The following RNF180 variants were observed in gnomAD, a reference collection of about 807,000 sequenced individuals.
RNF180 encodes the protein ring finger protein 180, also known as E3 ubiquitin-protein ligase RNF180.
RNF180 carries 38 observed loss-of-function variants against 59.2 expected under a neutral mutation model. The ratio of observed to expected loss-of-function variants is 0.64; its 90% CI spans 0.50 to 0.84. The LOEUF is 0.84. Among genes scored for constraint, RNF180 ranks in the 40% least tolerant of loss-of-function variants. The pLI, the probability that RNF180 is intolerant of heterozygous loss-of-function variation, is 0.00. For synonymous variants in RNF180, 262 were observed against 240.3 expected (o/e 1.09, Z -0.84); for missense variants, 705 against 700.9 (o/e 1.01, Z -0.07).
chr5:64,267,514 CA>C (rs1470983747), intron 5 of RNF180, among the ~76,000 whole-genome samples: 1 of 151,810 alleles, frequency 6.6e-6, no homozygotes, highest in Non-Finnish European at 1.5e-5. Flanking sequence ...CCCCCCACCC[CA>C]CAACAGTCCC....
At chr5:64,253,047 C>T (rs779956689) in intron 5 of RNF180, among the ~76,000 whole-genome samples, 5 of 151,896 alleles carry the variant, frequency 3.3e-5, no homozygotes, top group African/African-American at 7.3e-5. Flanking sequence ...AACTATTTAC[C>T]ACTAAAAAAC....
chr5:64,363,213 T>C (rs973616732), intron 7 of RNF180, among the ~76,000 whole-genome samples: 2 of 151,744 alleles, frequency 1.3e-5, no homozygotes, highest in Non-Finnish European at 2.9e-5. Flanking sequence ...TCTTCCAGGG[T>C]TTTTATGGTT....
chr5:64,317,195 A>G (rs376039590), intron 5 of RNF180, among the ~76,000 whole-genome samples: 2 of 152,104 alleles, frequency 1.3e-5, no homozygotes, highest in East Asian at 3.9e-4. Flanking sequence ...CCTCAGAGCT[A>G]TTGGTTTGGT....
chr5:64,216,048 AATTG>A (rs1301914103), intron 4 of RNF180, among the ~76,000 whole-genome samples: 1 of 151,932 alleles, frequency 6.6e-6, no homozygotes, highest in Non-Finnish European at 1.5e-5. Flanking sequence ...GATATAGCTT[AATTG>A]ATCAGAATTA....
At chr5:64,178,958 A>AG (rs936234936) in intron 1 of RNF180, among the ~76,000 whole-genome samples, 4 of 152,142 alleles carry the variant, frequency 2.6e-5, no homozygotes, top group African/African-American at 9.7e-5. Flanking sequence ...TTTAAAAAAA[A>AG]CCTTTCAGAT....
intron 5 of RNF180, among the ~76,000 whole-genome samples, chr5:64,283,843 T>C (rs1319893927): frequency 1.3e-5 from 2 of 152,216 alleles, no homozygotes; most frequent in African/African-American, 4.8e-5. Context: ...GAGAACAGAC[T>C]AATATGTTTG....
At chr5:64,271,464 C>CAGT (rs1741391534) in intron 5 of RNF180, among the ~76,000 whole-genome samples, 1 of 152,028 alleles carries the variant, frequency 6.6e-6, no homozygotes, top group Non-Finnish European at 1.5e-5. Flanking sequence ...TCCCATAAGA[C>CAGT]AGTAACATTC....
intron 5 of RNF180, among the ~76,000 whole-genome samples, chr5:64,314,842 G>A (rs1743958774): frequency 6.6e-6 from 1 of 152,070 alleles, no homozygotes; most frequent in Admixed American, 6.6e-5. Context: ...AGCTAGACAT[G>A]CAGTCAGAAA....
intron 5 of RNF180, among the ~76,000 whole-genome samples, chr5:64,300,389 A>T (rs548804005): frequency 2.6e-4 from 40 of 151,918 alleles, no homozygotes; most frequent in African/African-American, 8.9e-4. Flanking sequence ...GTTTATCTGG[A>T]CATAACTCTG....
intron 5 of RNF180, among the ~76,000 whole-genome samples, chr5:64,279,337 G>A (rs1199584347): frequency 6.6e-6 from 1 of 152,172 alleles, no homozygotes; most frequent in East Asian, 1.9e-4. Context: ...TGGGTACTGG[G>A]AAAGAATAGA....
At chr5:64,198,498 A>G (rs1229234169) in intron 1 of RNF180, among the ~76,000 whole-genome samples, 1 of 152,220 alleles carries the variant, frequency 6.6e-6, no homozygotes, top group African/African-American at 2.4e-5. Flanking sequence ...TGTTTAAATG[A>G]AGACTTAAAA....
intron 7 of RNF180, among the ~76,000 whole-genome samples, chr5:64,360,089 A>T (rs965792982): frequency 8.6e-5 from 13 of 151,618 alleles, no homozygotes; most frequent in Non-Finnish European, 1.5e-5. Flanking sequence ...GCTTTGTTCT[A>T]TTGGCTTAGG....
intron 1 of RNF180, among the ~76,000 whole-genome samples, chr5:64,168,318 T>A (rs1749756050): frequency 6.6e-6 from 1 of 152,208 alleles, no homozygotes; most frequent in African/African-American, 2.4e-5. Flanking sequence ...TTTAAAGGAT[T>A]GTCCTGATGG....
At position 64,370,883 on chromosome 5, in the gene RNF180, T is replaced by C. The variant is rs1050523183; in HGVS notation, c.*1069T>C. On this transcript the variant is annotated 3_prime_UTR_variant, in exon 8 of 8. Transcript: ENST00000389100. ...CTGGGACAAAGTTTTTATTATGAAT[T>C]ACTAATCCAGTATTACTACACTATG... is the stretch of plus-strand genomic sequence containing the variant. 2 of 151,646 alleles carry C rather than the reference T, an allele frequency of 1.3e-5. No homozygotes were observed. The highest frequency in any genetic ancestry group is 3.0e-5 in the Non-Finnish European group (2 of 67,726). The allele number at this position is 151,646 out of a possible 1,614,324, so 9.4% of individuals were successfully genotyped here.
chr5:64,279,520 G>T (rs1741896207), intron 5 of RNF180, among the ~76,000 whole-genome samples: 1 of 152,146 alleles, frequency 6.6e-6, no homozygotes. Context: ...CATGTCAAGA[G>T]AGAAATGATG....
Position 64,325,310 on chromosome 5 carries a change from T to C in RNF180, c.1352T>C (p.Ile451Thr). The change falls in exon 6 of 8, where the codon ATC becomes ACC. Residue 451 changes from isoleucine to threonine, a missense_variant. Coordinates refer to ENST00000389100, the MANE Select transcript of RNF180 (RefSeq NM_001113561.2). ...TATATGTGTTACCCTTGCCATCACA[T>C]CTTCTGTGAGCCCTGCTTACGGACT... is the stretch of plus-strand genomic sequence containing the variant. ...NPYMCYPCHH[I>T]FCEPCLRTLA... The C allele has an allele frequency of 1.3e-6, 2 of 1,551,590 alleles. No homozygotes were observed. Among genetic ancestry groups the C allele is most frequent in the Non-Finnish European group, 1.7e-6 (2 of 1,146,870 alleles).
chr5:64,331,594 T>A (rs145120820), intron 7 of RNF180, among the ~76,000 whole-genome samples: 140 of 152,288 alleles, frequency 9.2e-4, no homozygotes, highest in African/African-American at 3.3e-3. Flanking sequence ...GTGGGTCTCC[T>A]GAGAACTGTT....
At chr5:64,231,467 C>T (rs566497562) in intron 5 of RNF180, among the ~76,000 whole-genome samples, 4 of 152,288 alleles carry the variant, frequency 2.6e-5, no homozygotes, top group Non-Finnish European at 4.4e-5. Flanking sequence ...CTTTATTTAT[C>T]CTCAAATGGT....
At chr5:64,281,212 T>G (rs1319503665) in intron 5 of RNF180, among the ~76,000 whole-genome samples, 2 of 152,218 alleles carry the variant, frequency 1.3e-5, no homozygotes, top group African/African-American at 4.8e-5. Context: ...GGGCAGAGAC[T>G]GTGGGGTTTT....
Sources: gnomAD v4.1 joint callset for allele counts (sites outside exome capture counted in the v4.1 genomes callset) on GRCh38, gnomAD v4.1.1 for gene constraint, MANE v1.5 for transcripts, NCBI Gene and HGNC (gene_info 2026-07-23, HGNC 2026-07-21) for gene names.